RIMBP2: variants seen among roughly 807,000 people sequenced by gnomAD.
RIMBP2 encodes RIMS-binding protein 2.
RIMBP2 carries 48 observed loss-of-function variants against 118.6 expected under a neutral mutation model. That is an observed-to-expected ratio of 0.40 (90% confidence interval 0.32 to 0.51). RIMBP2 has a LOEUF of 0.51. Ranked by LOEUF, RIMBP2 falls within the 20% of genes least tolerant of loss-of-function variation. The pLI, the probability that RIMBP2 is intolerant of heterozygous loss-of-function variation, is 0.41. For synonymous variants in RIMBP2, 762 were observed against 742.9 expected, an observed-to-expected ratio of 1.03 and a Z score of -0.42; for missense variants, 1,551 against 1,768.3, an observed-to-expected ratio of 0.88 and a Z score of 2.20.
chr12:130,631,583 GA>G (rs2140957297), intron 1 of RIMBP2, among the ~76,000 whole-genome samples: 1 of 151,900 alleles, frequency 6.6e-6, no homozygotes, highest in East Asian at 1.9e-4. Context: ...CGCCAACCCT[GA>G]AAGGCAAAAC....
At position 130,422,031 on chromosome 12, in the gene RIMBP2, G is replaced by A. The variant is rs1318415660; in HGVS notation, c.3238+422C>T. On this transcript the variant is annotated intron_variant, in intron 17 of 22. Coordinates refer to ENST00000690449, the MANE Select transcript of RIMBP2 (RefSeq NM_001393629.1). The surrounding 1 kb of genome is among the most constrained non-coding windows in gnomAD (Gnocchi z 5.2). The stretch of plus-strand genomic sequence containing the variant: ...GTGTCCCCCAGGATTTAGCTCTGCT[G>A]CCAGCGTGTCTTCTGCAGACAGGCA... Among the ~76,000 whole-genome samples, 1 of 152,194 alleles carries A rather than the reference G, an allele frequency of 6.6e-6. No individual in the cohort carries two copies. The highest frequency in any genetic ancestry group is 1.9e-4 in the East Asian group (1 of 5,180).
At chr12:130,493,668 A>G (rs61937085) in intron 4 of RIMBP2, among the ~76,000 whole-genome samples, 35,103 of 151,860 alleles carry the variant, frequency 0.23, 4,475 homozygotes, top group Middle Eastern at 0.48. Flanking sequence ...TTTTTATGTC[A>G]CTCCTAGTGG....
At chr12:130,628,023 G>T (rs921062669) in intron 2 of RIMBP2, among the ~76,000 whole-genome samples, 2 of 152,124 alleles carry the variant, frequency 1.3e-5, no homozygotes, top group Admixed American at 6.6e-5. Flanking sequence ...CAGCCCTGAG[G>T]TCCTGAATGA....
intron 4 of RIMBP2, among the ~76,000 whole-genome samples, chr12:130,498,448 C>A (rs1180952818): frequency 6.6e-6 from 1 of 152,140 alleles, no homozygotes; most frequent in Non-Finnish European, 1.5e-5. Flanking sequence ...GTAGGGAAGA[C>A]AAATACACAG....
At position 130,688,407 on chromosome 12, in the gene RIMBP2, A is replaced by T. The variant is rs2065159938; in HGVS notation, c.-352+27815T>A. ...TGGAACACTCTGGGGCCATTGGATA[A>T]CACATACGTTTGCTTAGGTATCAGA... On this transcript the variant is annotated intron_variant, in intron 1 of 22. Transcript: ENST00000690449. The surrounding 1 kb of genome is among the most constrained non-coding windows in gnomAD (Gnocchi z 4.7). Among the ~76,000 whole-genome samples, 1 of 152,206 alleles carries T rather than the reference A, an allele frequency of 6.6e-6. No individual in the cohort carries two copies. The highest frequency in any genetic ancestry group is 2.4e-5 in the African/African-American group (1 of 41,460).
intron 1 of RIMBP2, among the ~76,000 whole-genome samples, chr12:130,685,464 G>C (rs1033373270): frequency 6.6e-6 from 1 of 152,178 alleles, no homozygotes; most frequent in African/African-American, 2.4e-5. Context: ...TGAAGAAGAC[G>C]ACTGGGCAGG....
intron 2 of RIMBP2, among the ~76,000 whole-genome samples, chr12:130,600,058 T>C (rs1477349994): frequency 6.6e-6 from 1 of 152,226 alleles, no homozygotes; most frequent in East Asian, 1.9e-4. Context: ...ACCTTTCTAG[T>C]CTGGAGTTGC....
chr12:130,622,873 T>C lies in RIMBP2; in HGVS notation c.-217+5449A>G, dbSNP rs1192646348. 6.6e-6 allele frequency among the ~76,000 whole-genome samples: 1 copy of C among 152,190 alleles called. No individual in the cohort carries two copies. The highest frequency in any genetic ancestry group is 1.5e-5 in the Non-Finnish European group (1 of 68,036). On this transcript the variant is annotated intron_variant, in intron 2 of 22. Coordinates refer to ENST00000690449, the MANE Select transcript of RIMBP2 (RefSeq NM_001393629.1). The surrounding 1 kb of genome is among the most constrained non-coding windows in gnomAD (Gnocchi z 8.5). Reference sequence around the variant, plus strand: ...CTCAATGCTTAGATGTAACCTCTGTTCCCAGAGCTCATGGCATCGAGTAAA... The same window carrying C: ...CTCAATGCTTAGATGTAACCTCTGTCCCCAGAGCTCATGGCATCGAGTAAA...
At position 130,422,339 on chromosome 12, in the gene RIMBP2, T is replaced by C; in HGVS notation, c.3238+114A>G. 4.9e-6 allele frequency: 3 copies of C among 614,498 alleles called. No homozygotes were observed. The highest frequency in any genetic ancestry group is 2.4e-5 in the South Asian group (1 of 41,982). The allele number at this position is 614,498 out of a possible 1,614,324, so 38.1% of individuals were successfully genotyped here. A position where few individuals can be genotyped will look rare whatever the true frequency, so the allele number is the denominator to read the frequency against. ...GCCTTCTTTTTGCCATGAATAACAGTGTTCTTTGCTTAGCGGAAAATGCTA... is the reference window on the plus strand; with the variant it reads ...GCCTTCTTTTTGCCATGAATAACAGCGTTCTTTGCTTAGCGGAAAATGCTA... On this transcript the variant is annotated intron_variant, in intron 17 of 22. Transcript: ENST00000690449. This position sits in a 1 kb window ranked among gnomAD's most constrained non-coding sequence, Gnocchi z 5.2.
chr12:130,671,700 A>C (rs2064204387), intron 1 of RIMBP2, among the ~76,000 whole-genome samples: 1 of 152,182 alleles, frequency 6.6e-6, no homozygotes, highest in Admixed American at 6.5e-5. Flanking sequence ...AGAGGCCAGC[A>C]GCACGTCCCC....
intron 2 of RIMBP2, among the ~76,000 whole-genome samples, chr12:130,569,252 G>A (rs1022364162): frequency 1.3e-4 from 20 of 152,284 alleles, no homozygotes; most frequent in African/African-American, 3.8e-4. Context: ...CGACCTGAAC[G>A]GCAGGCATCG....
In RIMBP2 at chr12:130,435,795, G is replaced by A. The variant is rs1015185766; in HGVS notation, c.2107-915C>T. Among the ~76,000 whole-genome samples the A allele has an allele frequency of 4.8e-4, 73 of 152,340 alleles. 1 individual carries two copies. The highest frequency in any genetic ancestry group is 5.6e-4 in the Non-Finnish European group (38 of 68,030). On this transcript the variant is annotated intron_variant, in intron 13 of 22. Transcript: ENST00000690449. ...TTTCAGGAGGTGCTGAGGTGCTGCCGGGGCAGCCCCACTCAGGAGGACGGG... is the reference window on the plus strand; with the variant it reads ...TTTCAGGAGGTGCTGAGGTGCTGCCAGGGCAGCCCCACTCAGGAGGACGGG...
At chr12:130,476,749 C>T (rs1413778417) in intron 5 of RIMBP2, among the ~76,000 whole-genome samples, 1 of 152,198 alleles carries the variant, frequency 6.6e-6, no homozygotes, top group Non-Finnish European at 1.5e-5. Flanking sequence ...TTGCCATCAT[C>T]TGGGCTTACT....
In RIMBP2 at chr12:130,469,280, G is replaced by A. The variant is rs989403597; in HGVS notation, c.153+1413C>T. 4.6e-5 allele frequency: 7 copies of A among 152,444 alleles called. No individual in the cohort carries two copies. The highest frequency in any genetic ancestry group is 9.7e-5 in the African/African-American group (4 of 41,438). The allele number at this position is 152,444 out of a possible 1,614,324, so 9.4% of individuals were successfully genotyped here. A position where few individuals can be genotyped will look rare whatever the true frequency, so the allele number is the denominator to read the frequency against. Reference sequence around the variant, plus strand: ...TTCGAACCAAAGCACGCTGCGTTGCGACCGTCACCACATTTGAAAGCATGC... The same window carrying A: ...TTCGAACCAAAGCACGCTGCGTTGCAACCGTCACCACATTTGAAAGCATGC... On this transcript the variant is annotated intron_variant, in intron 6 of 22. Coordinates refer to ENST00000690449, the MANE Select transcript of RIMBP2 (RefSeq NM_001393629.1). The surrounding 1 kb of genome is among the most constrained non-coding windows in gnomAD (Gnocchi z 4.8).
chr12:130,448,650 G>A (rs2078742344), intron 9 of RIMBP2, among the ~76,000 whole-genome samples: 1 of 152,240 alleles, frequency 6.6e-6, no homozygotes, highest in African/African-American at 2.4e-5. Flanking sequence ...GCCAACTGTG[G>A]CCCTGTGCGT....
chr12:130,592,795 G>A (rs963848023), intron 2 of RIMBP2, among the ~76,000 whole-genome samples: 2 of 152,132 alleles, frequency 1.3e-5, no homozygotes, highest in Non-Finnish European at 2.9e-5. Context: ...AGAGCGTTTC[G>A]CCCAGCACGT....
At chr12:130,471,449 G>C (rs976013883) in intron 5 of RIMBP2, among the ~76,000 whole-genome samples, 1 of 152,184 alleles carries the variant, frequency 6.6e-6, no homozygotes. Context: ...AGGACCTGTC[G>C]TGTTTCAATG....
chr12:130,601,438 G>T (rs182046447), intron 2 of RIMBP2, among the ~76,000 whole-genome samples: 1 of 149,100 alleles, frequency 6.7e-6, no homozygotes, highest in East Asian at 2.0e-4. Context: ...TATCCATCAT[G>T]TTGAAAAGCC....
chr12:130,595,362 T>A (rs1232817506), intron 2 of RIMBP2, among the ~76,000 whole-genome samples: 1 of 151,878 alleles, frequency 6.6e-6, no homozygotes, highest in Non-Finnish European at 1.5e-5. Context: ...ATCGAGACCA[T>A]TCTGGCTAAC....
Sources: gnomAD v4.1 joint callset for allele counts (sites outside exome capture counted in the v4.1 genomes callset) on GRCh38, gnomAD v4.1.1 for gene constraint, Gnocchi (gnomAD v3.1) non-coding constraint, MANE v1.5 for transcripts, NCBI Gene and HGNC (gene_info 2026-07-23, HGNC 2026-07-21) for gene names.